Variants in BRD10 observed in about 807,000 individuals in gnomAD.
The protein encoded by BRD10 is bromodomain containing 10.
the BRD10 span, among the ~76,000 whole-genome samples, chr9:5,993,991 C>T: frequency 6.6e-6 from 1 of 152,166 alleles, no homozygotes; most frequent in African/African-American, 2.4e-5. Context: ...ATCTAAGCTT[C>T]TGTCTACATT....
At chr9:5,994,421 A>T in the BRD10 span, among the ~76,000 whole-genome samples, 6 of 152,196 alleles carry the variant, frequency 3.9e-5, no homozygotes, top group African/African-American at 1.4e-4. Context: ...TCAGGAAAAG[A>T]AGTAGTCTTC....
the BRD10 span, chr9:5,919,388 C>A: frequency 4.0e-6 from 1 of 251,676 alleles, no homozygotes; most frequent in African/African-American, 2.2e-5. Context: ...CTAAACTATT[C>A]AAACTTTGTT....
the BRD10 span, among the ~76,000 whole-genome samples, chr9:5,936,794 T>C: frequency 1.8e-4 from 27 of 152,220 alleles, no homozygotes; most frequent in Non-Finnish European, 3.1e-4. Context: ...TTAACCTTCA[T>C]AGATTTAAAT....
chr9:5,884,507 C>T, the BRD10 span, among the ~76,000 whole-genome samples: 1 of 152,206 alleles, frequency 6.6e-6, no homozygotes, highest in South Asian at 2.1e-4. Flanking sequence ...ATGTCACCTT[C>T]CCGTCCTCAC....
the BRD10 span, among the ~76,000 whole-genome samples, chr9:5,949,816 T>C: frequency 6.6e-6 from 1 of 152,192 alleles, no homozygotes; most frequent in East Asian, 1.9e-4. Flanking sequence ...TAGATTTCTC[T>C]CTTAAATGTT....
chr9:5,938,638 G>A, the BRD10 span, among the ~76,000 whole-genome samples: 1 of 151,994 alleles, frequency 6.6e-6, no homozygotes, highest in African/African-American at 2.4e-5. Flanking sequence ...AATAAGGCTA[G>A]AATCTGTAAC....
chr9:6,007,832 G>C, the BRD10 span: 1 of 1,401,200 alleles, frequency 7.1e-7, no homozygotes, highest in Non-Finnish European at 9.2e-7. Context: ...GCCGCTCGAG[G>C]TGCTGGGGGA....
the BRD10 span, among the ~76,000 whole-genome samples, chr9:5,965,074 GA>G: frequency 4.7e-4 from 55 of 116,796 alleles, no homozygotes; most frequent in Non-Finnish European, 6.3e-4. Flanking sequence ...AAAAAAAAAA[GA>G]AAAAAAAATC....
At chr9:5,960,583 G>C in the BRD10 span, among the ~76,000 whole-genome samples, 2 of 149,906 alleles carry the variant, frequency 1.3e-5, no homozygotes, top group African/African-American at 4.9e-5. Context: ...AAAAAGAAAA[G>C]AAAAGACAAT....
At chr9:5,929,797 C>G in the BRD10 span, among the ~76,000 whole-genome samples, 1 of 151,976 alleles carries the variant, frequency 6.6e-6, no homozygotes, top group African/African-American at 2.4e-5. Flanking sequence ...TTACAAAAAG[C>G]CTTCTGAGAT....
chr9:5,912,063 T>C, the BRD10 span, among the ~76,000 whole-genome samples: 2 of 152,234 alleles, frequency 1.3e-5, no homozygotes, highest in Non-Finnish European at 2.9e-5. Context: ...CTTTGATTTC[T>C]TTCTTCAATG....
chr9:5,928,156 C>T, the BRD10 span, among the ~76,000 whole-genome samples: 1 of 152,118 alleles, frequency 6.6e-6, no homozygotes, highest in Non-Finnish European at 1.5e-5. Flanking sequence ...TCATTCCTCA[C>T]TTTCTCTCAT....
the BRD10 span, chr9:5,988,610 C>A: frequency 2.5e-6 from 3 of 1,199,932 alleles, no homozygotes; most frequent in East Asian, 2.4e-5. Flanking sequence ...CCCCCTTAGC[C>A]AGCAACTTAA....
the BRD10 span, among the ~76,000 whole-genome samples, chr9:5,881,054 C>T: frequency 3.3e-5 from 5 of 152,166 alleles, no homozygotes; most frequent in Admixed American, 2.6e-4. Context: ...AATCACCTAA[C>T]TCATCCAGGG....
chr9:5,991,476 A>G, the BRD10 span, among the ~76,000 whole-genome samples: 1 of 152,122 alleles, frequency 6.6e-6, no homozygotes, highest in South Asian at 2.1e-4. Flanking sequence ...TAATCCCAAC[A>G]CACTGGGAGG....
chr9:5,921,146 G>A, the BRD10 span: 1 of 1,613,798 alleles, frequency 6.2e-7, no homozygotes. Flanking sequence ...TGTTGACAAT[G>A]GCAAAATATA....
the BRD10 span, chr9:5,922,549 T>C: frequency 6.8e-6 from 11 of 1,613,990 alleles, no homozygotes; most frequent in South Asian, 1.2e-4. Flanking sequence ...AAACTGATGC[T>C]AAAGAAGAAT....
the BRD10 span, among the ~76,000 whole-genome samples, chr9:5,934,662 G>A: frequency 1.3e-5 from 2 of 151,968 alleles, no homozygotes; most frequent in African/African-American, 4.8e-5. Context: ...CACTGCGCCC[G>A]GCCATATTAT....
chr9:5,891,473 G>C, the BRD10 span, among the ~76,000 whole-genome samples: 1 of 152,106 alleles, frequency 6.6e-6, no homozygotes, highest in Non-Finnish European at 1.5e-5. Flanking sequence ...AGTGGAAAGG[G>C]GTCATGTGTC....
Sources: allele counts gnomAD v4.1 joint callset (sites outside exome capture counted in the v4.1 genomes callset), GRCh38; gene constraint gnomAD v4.1.1; transcripts MANE v1.5; gene names NCBI Gene and HGNC (gene_info 2026-07-23, HGNC 2026-07-21).